RGPD1: variants seen among roughly 807,000 people sequenced by gnomAD.
RGPD1 encodes the protein RANBP2-like and GRIP domain-containing protein 1.
RGPD1 carries 7 observed loss-of-function variants against 40.6 expected under a neutral mutation model. That is an observed-to-expected ratio of 0.17 (90% CI 0.10 to 0.32). RGPD1 has a LOEUF of 0.32. RGPD1 is among the 10% of genes least tolerant of loss of function. The probability of loss-of-function intolerance (pLI) is 1.00; values close to 1 mark genes in which losing one functional copy is unlikely to be tolerated. For missense variants in RGPD1, 50 were observed against 472.5 expected, an observed-to-expected ratio of 0.11 and a Z score of 8.29; for synonymous variants, 24 against 167.0, an observed-to-expected ratio of 0.14 and a Z score of 6.60.
chr2:86,928,183 G>GT (rs1368869327), intron 1 of RGPD1, among the ~76,000 whole-genome samples: 5 of 147,546 alleles, frequency 3.4e-5, no homozygotes, highest in Non-Finnish European at 7.5e-5. Context: ...TTATGAAAGA[G>GT]TAACATTTGA....
At chr2:86,925,214 C>A (rs557473594) in intron 1 of RGPD1, among the ~76,000 whole-genome samples, 1 of 146,422 alleles carries the variant, frequency 6.8e-6, no homozygotes, top group Admixed American at 6.8e-5. Flanking sequence ...TTAACAGTGT[C>A]TTTGATGAGC....
chr2:86,915,262 C>G (rs1004484032), intron 1 of RGPD1, among the ~76,000 whole-genome samples: 2 of 150,992 alleles, frequency 1.3e-5, no homozygotes, highest in African/African-American at 4.9e-5. Context: ...TGCCACTGCA[C>G]TCCAGCCTAG....
chr2:86,925,849 C>T (rs1313020921), intron 1 of RGPD1, among the ~76,000 whole-genome samples: 1 of 152,204 alleles, frequency 6.6e-6, no homozygotes, highest in African/African-American at 2.4e-5. Context: ...GGATTACAGG[C>T]GTGAGCCACC....
In RGPD1 at chr2:86,924,742, G is replaced by A. The variant is rs532902076; in HGVS notation, c.72+10821G>A. On this transcript the variant is annotated intron_variant, in intron 1 of 22. Transcript: ENST00000398193. ...CTGCCCCTATCTCCCAAAGTGCTGCGATTACAGGCATGAATTTTAATTTCT... is the reference window on the plus strand; with the variant it reads ...CTGCCCCTATCTCCCAAAGTGCTGCAATTACAGGCATGAATTTTAATTTCT... Among the ~76,000 whole-genome samples, 649 of 152,020 alleles carry A rather than the reference G, an allele frequency of 4.3e-3. 1 individual carries two copies. Among genetic ancestry groups the A allele is most frequent in the African/African-American group, 0.015 (605 of 41,532 alleles).
intron 1 of RGPD1, among the ~76,000 whole-genome samples, chr2:86,915,218 C>T (rs1372559157): frequency 6.6e-6 from 1 of 150,584 alleles, no homozygotes; most frequent in Admixed American, 6.6e-5. Flanking sequence ...ATTGCTTGAA[C>T]CCAGAATGCG....
chr2:86,938,763 G>C (rs899816509), upstream of RGPD1, among the ~76,000 whole-genome samples: 3 of 138,758 alleles, frequency 2.2e-5, no homozygotes, highest in Non-Finnish European at 3.1e-5. Flanking sequence ...AGTCATTACT[G>C]AAACAGTTGT....
upstream of RGPD1, among the ~76,000 whole-genome samples, chr2:86,939,163 T>C (rs1399654579): frequency 1.0e-5 from 1 of 99,038 alleles, no homozygotes; most frequent in Non-Finnish European, 2.0e-5. Flanking sequence ...GAAAATGTTA[T>C]ACCACTGAAC....
chr2:86,930,940 C>G (rs1267189062), intron 1 of RGPD1, among the ~76,000 whole-genome samples: 1 of 106,874 alleles, frequency 9.4e-6, no homozygotes, highest in Non-Finnish European at 1.9e-5. Flanking sequence ...ATCCCCATCA[C>G]AAGAGAACGC....
At chr2:86,960,921 C>T (rs983676125) in intron 6 of RGPD1, among the ~76,000 whole-genome samples, 2 of 22,460 alleles carry the variant, frequency 8.9e-5, no homozygotes, top group Non-Finnish European at 1.5e-4. Flanking sequence ...GATCTGTCTA[C>T]CTTGGCCTCC....
chr2:86,939,697 G>A (rs1367238933), upstream of RGPD1, among the ~76,000 whole-genome samples: 1 of 130,344 alleles, frequency 7.7e-6, no homozygotes, highest in Non-Finnish European at 1.6e-5. Flanking sequence ...GTGTGTTTGG[G>A]CAAGTTGCTT....
intron 1 of RGPD1, among the ~76,000 whole-genome samples, chr2:86,924,564 C>T (rs1299976007): frequency 2.0e-5 from 3 of 150,356 alleles, no homozygotes; most frequent in African/African-American, 7.3e-5. Context: ...CTCATAGGCT[C>T]AAGCCATCCT....
rs951204030 is a variant in RGPD1, at chr2:86,943,217, G to A, written c.72+909G>A. 4.9e-3 allele frequency among the ~76,000 whole-genome samples: 728 copies of A among 149,648 alleles called. 2 individuals carry two copies. Among genetic ancestry groups the A allele is most frequent in the African/African-American group, 0.017 (698 of 40,706 alleles). ...GGAAGTCCCCTTGTTTTGAGTATGA[G>A]GTGTTTGTCGCTGTCCCTTTATAAG... On this transcript the variant is annotated intron_variant, in intron 1 of 22. Coordinates refer to ENST00000641458, the MANE Select transcript of RGPD1 (RefSeq NM_001382344.1).
At chr2:86,925,323 G>A (rs1678402317) in intron 1 of RGPD1, among the ~76,000 whole-genome samples, 2 of 151,182 alleles carry the variant, frequency 1.3e-5, no homozygotes, top group Non-Finnish European at 2.9e-5. Context: ...CTGTAGTGCA[G>A]TGGCATGATC....
intron 1 of RGPD1, among the ~76,000 whole-genome samples, chr2:86,925,097 A>T (rs1678381807): frequency 6.6e-6 from 1 of 152,224 alleles, no homozygotes; most frequent in African/African-American, 2.4e-5. Flanking sequence ...TTTCTGTTCA[A>T]ATCTTTATCA....
intron 1 of RGPD1, chr2:86,930,651 G>A: frequency 6.2e-7 from 1 of 1,611,272 alleles, no homozygotes; most frequent in Non-Finnish European, 8.5e-7. Context: ...ACAGAGGTAG[G>A]GCTGGTTGTT....
upstream of RGPD1, among the ~76,000 whole-genome samples, chr2:86,939,909 T>C (rs895691103): frequency 3.7e-5 from 2 of 53,902 alleles, no homozygotes; most frequent in African/African-American, 2.2e-4. Flanking sequence ...TAGTTTTTAA[T>C]TTCTCTTTTT....
chr2:86,933,403 G>A (rs1172249443), intron 1 of RGPD1, among the ~76,000 whole-genome samples: 1 of 150,136 alleles, frequency 6.7e-6, no homozygotes, highest in East Asian at 1.9e-4. Flanking sequence ...AAATAATACT[G>A]GTATGACAAC....
intron 1 of RGPD1, among the ~76,000 whole-genome samples, chr2:86,924,613 C>T (rs1324838029): frequency 6.6e-6 from 1 of 150,548 alleles, no homozygotes; most frequent in Non-Finnish European, 1.5e-5. Flanking sequence ...TACCGGTATG[C>T]TCCATCATGC....
At chr2:86,997,264 A>G (rs1442587586) in intron 21 of RGPD1, among the ~76,000 whole-genome samples, 1 of 51,660 alleles carries the variant, frequency 1.9e-5, no homozygotes, top group Non-Finnish European at 3.5e-5. Flanking sequence ...CAATGGAGTC[A>G]TATAGCCCAA....
Sources: allele counts gnomAD v4.1 joint callset (sites outside exome capture counted in the v4.1 genomes callset), GRCh38; gene constraint gnomAD v4.1.1; transcripts MANE v1.5; gene names NCBI Gene and HGNC (gene_info 2026-07-23, HGNC 2026-07-21).